RYR3: variants seen among roughly 807,000 people sequenced by gnomAD.
RYR3 encodes brain ryanodine receptor-calcium release channel.
In RYR3, 207 loss-of-function variants were observed where a neutral mutation model predicts 584.3. The ratio of observed to expected loss-of-function variants is 0.35; its 90% CI spans 0.32 to 0.40. RYR3 has a LOEUF of 0.40. RYR3 is among the 10% of genes least tolerant of loss of function. RYR3 has a pLI of 1.00. For missense variants in RYR3, 5,616 were observed against 6,089.2 expected (o/e 0.92, Z 2.59); for synonymous variants, 2,416 against 2,248.5 (o/e 1.07, Z -2.11).
intron 67 of RYR3, among the ~76,000 whole-genome samples, chr15:33,789,276 A>G (rs2074942578): frequency 6.6e-6 from 1 of 152,026 alleles, no homozygotes; most frequent in Non-Finnish European, 1.5e-5. Context: ...GTCAGATAAC[A>G]AGCCCCTGGA....
At position 33,859,647 on chromosome 15, in the gene RYR3, G is replaced by C. The variant is rs763711404; in HGVS notation, c.14215G>C (p.Gly4739Arg). Residue 4739 changes from glycine (G) to arginine (R), a missense_variant, in exon 100 of 104, where the codon GGT (glycine) becomes CGT (arginine). By Grantham distance (125) the Gly-to-Arg change is moderately radical. Around this residue, in one of 9 missense-constraint regions of RYR3, gnomAD observed 918 missense variants for 887.4 expected, o/e 1.03. Transcript: ENST00000634891. ...TGGTGATGAAATTGAAGACCCTGCT[G>C]GTGATCCTTATGAAATGTATCGCAT... Reference protein sequence around the residue: ...GIGDEIEDPAGDPYEMYRIVF... With the variant: ...GIGDEIEDPARDPYEMYRIVF... 6.2e-7 allele frequency: 1 copy of C among 1,613,952 alleles called. No homozygotes were observed. The highest frequency in any genetic ancestry group is 1.7e-5 in the Admixed American group (1 of 60,020).
intron 12 of RYR3, among the ~76,000 whole-genome samples, chr15:33,567,312 A>T (rs982562621): frequency 6.6e-6 from 1 of 152,220 alleles, no homozygotes; most frequent in African/African-American, 2.4e-5. Flanking sequence ...TCCAGTCTAA[A>T]TAATGCTTCC....
chr15:33,408,869 G>A (rs1022847054), intron 1 of RYR3, among the ~76,000 whole-genome samples: 1 of 152,122 alleles, frequency 6.6e-6, no homozygotes, highest in African/African-American at 2.4e-5. Flanking sequence ...TTCTCCTATA[G>A]AATAGAAAAA....
chr15:33,640,139 T>A lies in RYR3; in HGVS notation c.3556+3589T>A, dbSNP rs575132978. Reference sequence around the variant, plus strand: ...CCATTGACCTGTCGGGTTTAACAGATCCCTCATTTCTGTTGGCAGCTTTTC... The same window carrying A: ...CCATTGACCTGTCGGGTTTAACAGAACCCTCATTTCTGTTGGCAGCTTTTC... On this transcript the variant is annotated intron_variant, in intron 27 of 103. Transcript: ENST00000634891. 5.3e-5 allele frequency among the ~76,000 whole-genome samples: 8 copies of A among 152,240 alleles called. No individual in the cohort carries two copies. In the East Asian group the frequency reaches 1.5e-3, roughly 29 times the overall value.
chr15:33,853,868 C>T (rs2079361343), intron 96 of RYR3, among the ~76,000 whole-genome samples, 186 bp downstream of exon 96: 2 of 151,920 alleles, frequency 1.3e-5, no homozygotes, highest in South Asian at 4.1e-4. Flanking sequence ...ATTTTTATGC[C>T]CTATAGAGCT....
At chr15:33,460,156 C>T (rs940358474) in intron 1 of RYR3, among the ~76,000 whole-genome samples, 9 of 152,148 alleles carry the variant, frequency 5.9e-5, no homozygotes, top group Non-Finnish European at 1.0e-4. Context: ...AGTGATTGGA[C>T]ATGGTAGGGG....
At chr15:33,634,958 T>C (rs927545863) in intron 25 of RYR3, among the ~76,000 whole-genome samples, 1 of 152,210 alleles carries the variant, frequency 6.6e-6, no homozygotes, top group African/African-American at 2.4e-5. Context: ...CTTCTATGAC[T>C]TATTCCCACA....
chr15:33,604,679 T>G (rs1202351500), intron 18 of RYR3, among the ~76,000 whole-genome samples: 1 of 152,166 alleles, frequency 6.6e-6, no homozygotes, highest in Non-Finnish European at 1.5e-5. Flanking sequence ...TGTGCTCTCA[T>G]CCTCCCAACT....
intron 60 of RYR3, among the ~76,000 whole-genome samples, chr15:33,763,446 G>A (rs759354888): frequency 2.0e-5 from 3 of 151,870 alleles, no homozygotes; most frequent in Admixed American, 6.6e-5. Flanking sequence ...CATCAAAAAC[G>A]GGGGTGAAGG....
chr15:33,492,226 T>C (rs1236790405), intron 2 of RYR3, among the ~76,000 whole-genome samples: 2 of 152,142 alleles, frequency 1.3e-5, no homozygotes, highest in Non-Finnish European at 2.9e-5. Flanking sequence ...TGTAAACATC[T>C]AGTGGTGGTG....
chr15:33,323,048 T>A (rs541437221), intron 1 of RYR3, among the ~76,000 whole-genome samples: 3 of 151,786 alleles, frequency 2.0e-5, no homozygotes, highest in Admixed American at 1.3e-4. Context: ...ATAAGCACAA[T>A]GCCTGGCTTG....
intron 27 of RYR3, 82 bp downstream of exon 27, chr15:33,636,632 C>A (rs1176813915): frequency 8.1e-7 from 1 of 1,236,364 alleles, no homozygotes. Context: ...TGCTCTACTT[C>A]CTTATTCGGT....
chr15:33,545,753 T>C (rs906020540), intron 8 of RYR3, among the ~76,000 whole-genome samples: 1 of 152,052 alleles, frequency 6.6e-6, no homozygotes, highest in Non-Finnish European at 1.5e-5. Flanking sequence ...CTGGGGAGCA[T>C]GATAGAATAG....
Position 33,736,237 on chromosome 15 carries a change from A to G in RYR3, c.7427A>G (p.His2476Arg), listed in dbSNP as rs1164444030. Residue 2476 changes from histidine (H) to arginine (R), a missense_variant and splice_region_variant, in exon 49 of 104, where the codon CAC becomes CGC. Physicochemically the swap from His to Arg is conservative, Grantham distance 29 (BLOSUM62 0). This residue lies in a region of RYR3 where 1,280 missense variants were observed against 1,426.2 expected (regional missense o/e 0.90). Transcript: ENST00000634891. Reference sequence around the variant, plus strand: ...ACGTTTGTCATTTCATACTGCAGTCACTTGAGGCCTTCCATGTTACAGCAA... The same window carrying G: ...ACGTTTGTCATTTCATACTGCAGTCGCTTGAGGCCTTCCATGTTACAGCAA... ...IEECLLAICN[H>R]LRPSMLQQLL... The G allele has an allele frequency of 1.9e-6, 3 of 1,604,682 alleles. No individual in the cohort carries two copies. The highest frequency in any genetic ancestry group is 2.6e-6 in the Non-Finnish European group (3 of 1,172,172).
intron 1 of RYR3, among the ~76,000 whole-genome samples, chr15:33,431,700 A>G (rs904757315): frequency 2.6e-5 from 4 of 152,152 alleles, no homozygotes; most frequent in Non-Finnish European, 5.9e-5. Context: ...AAGGAGGTTG[A>G]GGCTGCAGTG....
chr15:33,547,798 T>C (rs987059158), intron 8 of RYR3, among the ~76,000 whole-genome samples: 1 of 152,214 alleles, frequency 6.6e-6, no homozygotes. Flanking sequence ...GAGCATTCTG[T>C]GTCTGCCGTC....
At chr15:33,519,040 C>T (rs1332532940) in intron 3 of RYR3, among the ~76,000 whole-genome samples, 1 of 152,176 alleles carries the variant, frequency 6.6e-6, no homozygotes, top group Non-Finnish European at 1.5e-5. Context: ...AGTGCAAGTC[C>T]CTTTCCCCAG....
intron 38 of RYR3, among the ~76,000 whole-genome samples, chr15:33,695,947 CTTTTTTT>C (rs1165160004): frequency 1.0e-5 from 1 of 95,456 alleles, no homozygotes; most frequent in Non-Finnish European, 2.1e-5. Flanking sequence ...CCACACCCAG[CTTTTTTT>C]TTTTTTTTTT....
intron 18 of RYR3, among the ~76,000 whole-genome samples, chr15:33,608,614 C>G (rs780726421): frequency 2.5e-4 from 38 of 152,206 alleles, no homozygotes; most frequent in Non-Finnish European, 4.7e-4. Context: ...TAAGCACTTG[C>G]TAAGTATATC....
Sources: allele counts gnomAD v4.1 joint callset (sites outside exome capture counted in the v4.1 genomes callset), GRCh38; gene constraint gnomAD v4.1.1; regional missense constraint gnomAD v4.1.1; transcripts MANE v1.5; gene names NCBI Gene and HGNC (gene_info 2026-07-23, HGNC 2026-07-21).